The following AKT3 variants were observed in gnomAD, a reference collection of about 807,000 sequenced individuals.
The protein encoded by AKT3 is RAC-gamma serine/threonine-protein kinase.
In AKT3, 15 loss-of-function variants were observed where a neutral mutation model predicts 65.3. That is an observed-to-expected ratio of 0.23 (90% confidence interval 0.15 to 0.35). AKT3 has a LOEUF of 0.35. Among genes scored for constraint, AKT3 ranks in the 10% least tolerant of loss-of-function variants. The pLI is 1.00. For synonymous variants in AKT3, 206 were observed against 183.8 expected, an observed-to-expected ratio of 1.12 and a Z score of -0.98; for missense variants, 243 against 576.5, an observed-to-expected ratio of 0.42 and a Z score of 5.92.
chr1:243,492,258 T>C (rs1242824359), intron 13 of AKT3, among the ~76,000 whole-genome samples: 2 of 148,546 alleles, frequency 1.3e-5, no homozygotes, highest in Non-Finnish European at 1.5e-5. Context: ...TGGGCAGGAC[T>C]CAGGGCACTG....
rs138778705 is a variant in AKT3, at chr1:243,847,460, C to A, written c.-113+2580G>T. Reference sequence around the variant, plus strand: ...ATAGCTATCTTTTCACGAAAATACACAAAGTTTAAGTAAAGGCTAAACTTC... The same window carrying A: ...ATAGCTATCTTTTCACGAAAATACAAAAAGTTTAAGTAAAGGCTAAACTTC... On this transcript the variant is annotated intron_variant, in intron 1 of 13. Transcript: ENST00000673466. Among the ~76,000 whole-genome samples the A allele has an allele frequency of 1.6e-3, 245 of 152,208 alleles. 1 individual carries two copies. Among genetic ancestry groups the A allele is most frequent in the African/African-American group, 5.7e-3 (235 of 41,564 alleles).
intron 3 of AKT3, among the ~76,000 whole-genome samples, chr1:243,675,379 T>C (rs1174294364): frequency 2.6e-5 from 4 of 152,310 alleles, no homozygotes; most frequent in Middle Eastern, 3.4e-3. Context: ...TTTTGTATTT[T>C]TAGTAGAGAC....
intron 2 of AKT3, among the ~76,000 whole-genome samples, chr1:243,738,820 ATG>A (rs1270731782): frequency 6.6e-6 from 1 of 152,212 alleles, no homozygotes; most frequent in East Asian, 1.9e-4. Context: ...CTAAAATCCA[ATG>A]GTAGAAGAAT....
rs181201626 is a variant in AKT3, at chr1:243,769,546, G to A, written c.46+73579C>T. 8.9e-4 allele frequency among the ~76,000 whole-genome samples: 136 copies of A among 152,284 alleles called. 1 individual carries two copies. Among genetic ancestry groups the A allele is most frequent in the African/African-American group, 3.2e-3 (133 of 41,564 alleles). The stretch of plus-strand genomic sequence containing the variant: ...AATTTGCACTTCTCTGATGGCTAAT[G>A]ACGTTGAGCATCTTTTCATGTATTA... On this transcript the variant is annotated intron_variant, in intron 2 of 13. Coordinates refer to ENST00000673466, the MANE Select transcript of AKT3 (RefSeq NM_005465.7).
chr1:243,840,233 C>T (rs1314257620), intron 2 of AKT3, among the ~76,000 whole-genome samples: 1 of 151,902 alleles, frequency 6.6e-6, no homozygotes, highest in African/African-American at 2.4e-5. Context: ...ACAGTCCAAA[C>T]TAGAAACCAA....
chr1:243,777,399 T>C (rs1227132365), intron 2 of AKT3, among the ~76,000 whole-genome samples: 1 of 152,182 alleles, frequency 6.6e-6, no homozygotes, highest in Non-Finnish European at 1.5e-5. Context: ...CTGGTACTGG[T>C]CCACAGCATG....
chr1:243,609,897 G>A (rs1677741791), intron 8 of AKT3, among the ~76,000 whole-genome samples: 1 of 152,080 alleles, frequency 6.6e-6, no homozygotes, highest in Admixed American at 6.6e-5. Context: ...ATGCCAGGTA[G>A]CGCCCTCTAG....
intron 8 of AKT3, among the ~76,000 whole-genome samples, chr1:243,604,649 C>T (rs1223886430): frequency 6.6e-6 from 1 of 152,136 alleles, no homozygotes; most frequent in East Asian, 1.9e-4. Flanking sequence ...CTTTCCTTTC[C>T]TCTGCTCCTC....
At chr1:243,509,775 C>T (rs145486858) in intron 13 of AKT3, among the ~76,000 whole-genome samples, 1 of 152,130 alleles carries the variant, frequency 6.6e-6, no homozygotes, top group Non-Finnish European at 1.5e-5. Context: ...GCAGAACTCT[C>T]GGTGCCTCTC....
At chr1:243,571,558 C>G (rs1231365150) in intron 9 of AKT3, among the ~76,000 whole-genome samples, 1 of 152,132 alleles carries the variant, frequency 6.6e-6, no homozygotes, top group Non-Finnish European at 1.5e-5. Flanking sequence ...CTTTTCACCC[C>G]TACAAATAGG....
At chr1:243,656,048 C>T (rs1284928050) in intron 4 of AKT3, among the ~76,000 whole-genome samples, 1 of 141,214 alleles carries the variant, frequency 7.1e-6, no homozygotes, top group Non-Finnish European at 1.5e-5. Context: ...TTACATAATT[C>T]ACCATAATTC....
In AKT3 at chr1:243,843,159, A is replaced by C. The variant is rs1379704201; in HGVS notation, c.12T>G (p.Val4=). 2.5e-6 allele frequency: 4 copies of C among 1,613,938 alleles called. No homozygotes were observed. Among genetic ancestry groups the C allele is most frequent in the Non-Finnish European group, 3.4e-6 (4 of 1,179,918 alleles). ...GAACCCAACCTTCTTTCACAATGGT[A>C]ACATCGCTCATGATGACTCCCCTCT... MSD[V]TIVKEGWVQK... Residue 4 remains valine, a synonymous_variant, in exon 2 of 14, where the codon GTT becomes GTG. Transcript: ENST00000673466.
chr1:243,531,326 C>A (rs1671512941), intron 12 of AKT3, among the ~76,000 whole-genome samples: 1 of 152,162 alleles, frequency 6.6e-6, no homozygotes, highest in Admixed American at 6.5e-5. Context: ...AAGGAATCCT[C>A]CTACCTTGGC....
intron 9 of AKT3, among the ~76,000 whole-genome samples, chr1:243,568,950 C>T (rs1192939776): frequency 5.3e-5 from 8 of 152,140 alleles, no homozygotes; most frequent in Admixed American, 2.6e-4. Flanking sequence ...TTTAATTAAA[C>T]GACTGACATT....
intron 2 of AKT3, among the ~76,000 whole-genome samples, chr1:243,796,346 T>C (rs143682179): frequency 3.2e-4 from 49 of 152,328 alleles, no homozygotes; most frequent in African/African-American, 1.1e-3. Flanking sequence ...AGGACTAAAT[T>C]AGTATTTCTC....
At chr1:243,659,347 A>C (rs760361694) in intron 4 of AKT3, among the ~76,000 whole-genome samples, 10 of 152,202 alleles carry the variant, frequency 6.6e-5, no homozygotes, top group South Asian at 2.1e-4. Context: ...CTGCTGTACA[A>C]TAATATGCAC....
intron 8 of AKT3, among the ~76,000 whole-genome samples, chr1:243,575,686 A>G (rs2148513329): frequency 6.6e-6 from 1 of 152,304 alleles, no homozygotes; most frequent in East Asian, 1.9e-4. Flanking sequence ...AGGAGACTTG[A>G]TAGATAAGAA....
At chr1:243,611,141 T>C (rs1558651951) in intron 8 of AKT3, among the ~76,000 whole-genome samples, 1 of 152,180 alleles carries the variant, frequency 6.6e-6, no homozygotes, top group Non-Finnish European at 1.5e-5. Context: ...ATAACTTAAA[T>C]TATAATCTTT....
At chr1:243,640,577 G>A (rs900384056) in intron 5 of AKT3, among the ~76,000 whole-genome samples, 11 of 152,174 alleles carry the variant, frequency 7.2e-5, no homozygotes, top group African/African-American at 1.4e-4. Flanking sequence ...CTGCTGGAGA[G>A]AGAGGCCATG....
Sources: allele counts gnomAD v4.1 joint callset (sites outside exome capture counted in the v4.1 genomes callset), GRCh38; gene constraint gnomAD v4.1.1; transcripts MANE v1.5; gene names NCBI Gene and HGNC (gene_info 2026-07-23, HGNC 2026-07-21).